The following GBE1 variants were observed in gnomAD, a reference collection of about 807,000 sequenced individuals.
GBE1 encodes the protein 1,4-alpha-glucan-branching enzyme.
In GBE1, 70 loss-of-function variants were observed where a neutral mutation model predicts 88.8. That is an observed-to-expected ratio of 0.79 (90% CI 0.65 to 0.96). The LOEUF (loss-of-function observed/expected upper bound fraction) is 0.96. Among genes scored for constraint, GBE1 ranks in the 40% least tolerant of loss-of-function variants. GBE1 has a pLI of 0.00. For missense variants in GBE1, 872 were observed against 871.0 expected (o/e 1.00, Z -0.01); for synonymous variants, 284 against 300.1 (o/e 0.95, Z 0.56).
At chr3:81,664,008 T>C (rs936122537) in intron 3 of GBE1, among the ~76,000 whole-genome samples, 2 of 151,984 alleles carry the variant, frequency 1.3e-5, no homozygotes, top group African/African-American at 4.8e-5. Flanking sequence ...AAAAAGGGGC[T>C]GTGCATAGAA....
chr3:81,696,750 G>C (rs1053735452), intron 2 of GBE1, among the ~76,000 whole-genome samples: 1 of 151,986 alleles, frequency 6.6e-6, no homozygotes, highest in Non-Finnish European at 1.5e-5. Context: ...CTAAGAAAAA[G>C]TACTGTATTA....
intron 7 of GBE1, chr3:81,612,573 C>T: frequency 1.4e-6 from 1 of 717,326 alleles, no homozygotes; most frequent in Non-Finnish European, 2.5e-6. Flanking sequence ...GTTGTTACCC[C>T]CAAATTTGGG....
intron 1 of GBE1, among the ~76,000 whole-genome samples, chr3:81,750,195 G>C (rs1331514633): frequency 6.6e-6 from 1 of 152,018 alleles, no homozygotes; most frequent in East Asian, 1.9e-4. Context: ...AATGCAGAAA[G>C]AGAAAAGCTG....
chr3:81,645,008 G>A (rs1252309900), intron 6 of GBE1, among the ~76,000 whole-genome samples: 1 of 152,104 alleles, frequency 6.6e-6, no homozygotes, highest in Non-Finnish European at 1.5e-5. Context: ...GGGGGAGGAA[G>A]TTTGAAGTTA....
intron 12 of GBE1, among the ~76,000 whole-genome samples, chr3:81,568,470 T>C (rs958375306): frequency 1.3e-5 from 1 of 77,308 alleles, no homozygotes; most frequent in Admixed American, 1.2e-4. Flanking sequence ...CATTTGCAGG[T>C]TTTTTATTTG....
At chr3:81,608,755 C>T (rs1461659969) in intron 7 of GBE1, among the ~76,000 whole-genome samples, 1 of 152,144 alleles carries the variant, frequency 6.6e-6, no homozygotes, top group Non-Finnish European at 1.5e-5. Context: ...GTGTCCAGTG[C>T]TTTATCCATA....
At chr3:81,629,020 T>TTTTTG (rs1226687243) in intron 7 of GBE1, among the ~76,000 whole-genome samples, 5 of 135,958 alleles carry the variant, frequency 3.7e-5, no homozygotes, top group African/African-American at 1.4e-4. Flanking sequence ...ATGTTTAAGT[T>TTTTTG]TTTTTTTTTT....
chr3:81,570,087 G>A (rs560446544), intron 12 of GBE1, among the ~76,000 whole-genome samples: 38 of 152,132 alleles, frequency 2.5e-4, no homozygotes, highest in Non-Finnish European at 4.7e-4. Flanking sequence ...TGGGATTACA[G>A]GTGTGAGCCA....
At chr3:81,593,852 A>G in intron 8 of GBE1, 56 bp downstream of exon 8, 1 of 789,144 alleles carries the variant, frequency 1.3e-6, no homozygotes, top group South Asian at 1.7e-5. Context: ...GACACCAGTA[A>G]TGGCTATTGC....
In GBE1 at chr3:81,709,553, G is replaced by C. The variant is rs567610037; in HGVS notation, c.144-3940C>G. Among the ~76,000 whole-genome samples, 7 of 151,990 alleles carry C rather than the reference G, an allele frequency of 4.6e-5. No homozygotes were observed. The East Asian group carries it at 1.4e-3, about 29-fold the overall frequency. On this transcript the variant is annotated intron_variant, in intron 1 of 15. Transcript: ENST00000429644. ...TAACGTTGGGAGGATAAACAAATGT[G>C]GTAGTAATTTTACTTTCAATGTTGG... is the stretch of plus-strand genomic sequence containing the variant.
At chr3:81,700,207 A>T (rs1333576502) in intron 2 of GBE1, among the ~76,000 whole-genome samples, 1 of 152,186 alleles carries the variant, frequency 6.6e-6, no homozygotes, top group Non-Finnish European at 1.5e-5. Flanking sequence ...CCACAGTGAA[A>T]GCTGACTAAT....
At chr3:81,669,209 G>A (rs2107111806) in intron 3 of GBE1, among the ~76,000 whole-genome samples, 1 of 152,252 alleles carries the variant, frequency 6.6e-6, no homozygotes, top group Admixed American at 6.5e-5. Context: ...AGCTGCAGCT[G>A]GTGCCAAGGA....
chr3:81,688,000 T>G (rs761647993), intron 2 of GBE1, among the ~76,000 whole-genome samples: 3 of 152,180 alleles, frequency 2.0e-5, no homozygotes, highest in Non-Finnish European at 2.9e-5. Context: ...GCAGCTTCAT[T>G]CCACACCAAA....
intron 12 of GBE1, among the ~76,000 whole-genome samples, chr3:81,539,539 G>A (rs944351850): frequency 5.3e-5 from 8 of 151,916 alleles, no homozygotes; most frequent in Admixed American, 5.3e-4. Flanking sequence ...CTGGATATCA[G>A]GGAAAGTTGA....
intron 15 of GBE1, among the ~76,000 whole-genome samples, chr3:81,490,873 T>G (rs1046705336): frequency 3.3e-5 from 5 of 152,288 alleles, no homozygotes; most frequent in African/African-American, 1.2e-4. Context: ...ATCTTGTTTT[T>G]TTTTTTCCTT....
At chr3:81,658,897 G>A (rs1206775898) in intron 3 of GBE1, among the ~76,000 whole-genome samples, 1 of 152,204 alleles carries the variant, frequency 6.6e-6, no homozygotes, top group Non-Finnish European at 1.5e-5. Context: ...AAGGAACAAT[G>A]CTGAGATGTT....
chr3:81,558,012 A>G (rs6548769), intron 12 of GBE1, among the ~76,000 whole-genome samples: 98,435 of 151,822 alleles, frequency 0.65, 33,571 homozygotes, highest in East Asian at 0.92. Flanking sequence ...CAGGGAAAGT[A>G]CAAGAGTTTG....
chr3:81,723,003 A>T (rs1167451733), intron 1 of GBE1, among the ~76,000 whole-genome samples: 2 of 150,892 alleles, frequency 1.3e-5, no homozygotes, highest in African/African-American at 4.9e-5. Context: ...CTAATACCTA[A>T]TCAGATATCT....
chr3:81,665,169 G>A (rs1350133087), intron 3 of GBE1, among the ~76,000 whole-genome samples: 1 of 152,080 alleles, frequency 6.6e-6, no homozygotes, highest in African/African-American at 2.4e-5. Flanking sequence ...TCTTAGAAAT[G>A]CTGATTAAAT....
Sources: allele counts gnomAD v4.1 joint callset (sites outside exome capture counted in the v4.1 genomes callset), GRCh38; gene constraint gnomAD v4.1.1; transcripts MANE v1.5; gene names NCBI Gene and HGNC (gene_info 2026-07-23, HGNC 2026-07-21).